PRKCA: variants seen among roughly 807,000 people sequenced by gnomAD.
PRKCA encodes the protein protein kinase C alpha.
In PRKCA, 27 loss-of-function variants were observed where a neutral mutation model predicts 87.0. That is an observed-to-expected ratio of 0.31 (90% confidence interval 0.23 to 0.43). The LOEUF (loss-of-function observed/expected upper bound fraction) is 0.43. Among genes scored for constraint, PRKCA ranks in the 20% least tolerant of loss-of-function variants. The pLI is 1.00. For synonymous variants in PRKCA, 329 were observed against 311.1 expected (o/e 1.06, Z -0.61); for missense variants, 518 against 852.3 (o/e 0.61, Z 4.88).
Position 66,628,896 on chromosome 17 carries a change from G to T in PRKCA, c.289-12459G>T, listed in dbSNP as rs1157345930. On this transcript the variant is annotated intron_variant, in intron 3 of 16. Coordinates refer to ENST00000413366, the MANE Select transcript of PRKCA (RefSeq NM_002737.3). ...ACAAAAAAATTAGCCAGGCATGTTG[G>T]CGCATGCCTGTAATCCCAGCTACTC... 2.0e-5 allele frequency among the ~76,000 whole-genome samples: 3 copies of T among 152,162 alleles called. No individual in the cohort carries two copies. The East Asian group carries it at 5.8e-4, about 29-fold the overall frequency.
intron 3 of PRKCA, among the ~76,000 whole-genome samples, chr17:66,614,054 G>A (rs948071065): frequency 2.0e-5 from 3 of 152,086 alleles, no homozygotes; most frequent in Non-Finnish European, 2.9e-5. Context: ...GCCTCCCCGA[G>A]TGCTGGGATT....
At chr17:66,743,068 C>T (rs1252070248) in intron 13 of PRKCA, among the ~76,000 whole-genome samples, 3 of 152,186 alleles carry the variant, frequency 2.0e-5, no homozygotes, top group African/African-American at 7.2e-5. Flanking sequence ...CGGTGGCTCA[C>T]GCCTGTAATC....
intron 2 of PRKCA, among the ~76,000 whole-genome samples, chr17:66,376,182 T>G (rs765408781): frequency 1.3e-5 from 2 of 152,044 alleles, no homozygotes; most frequent in Non-Finnish European, 2.9e-5. Flanking sequence ...CAGGAATCAG[T>G]GTTTAACCAC....
At chr17:66,508,140 C>T (rs764900913) in intron 3 of PRKCA, among the ~76,000 whole-genome samples, 1 of 152,182 alleles carries the variant, frequency 6.6e-6, no homozygotes, top group East Asian at 1.9e-4. Context: ...CCCTCACAGT[C>T]GCCTCTATTA....
intron 3 of PRKCA, among the ~76,000 whole-genome samples, chr17:66,636,228 T>C (rs1971148345): frequency 6.6e-6 from 1 of 152,208 alleles, no homozygotes; most frequent in Non-Finnish European, 1.5e-5. Context: ...TCTCTGCAGA[T>C]CTTCATGACT....
At chr17:66,588,841 A>T (rs117748395) in intron 3 of PRKCA, among the ~76,000 whole-genome samples, 2 of 151,238 alleles carry the variant, frequency 1.3e-5, no homozygotes, top group East Asian at 3.9e-4. Flanking sequence ...GGGTATCACC[A>T]TGTTGCCCAG....
At chr17:66,587,889 GTGTGTGTATATA>G (rs1567917321) in intron 3 of PRKCA, among the ~76,000 whole-genome samples, 1 of 94,230 alleles carries the variant, frequency 1.1e-5, no homozygotes. Context: ...GTGTGTGTGT[GTGTGTGTATATA>G]TATATATATA....
At chr17:66,663,174 A>G (rs1344651321) in intron 5 of PRKCA, among the ~76,000 whole-genome samples, 2 of 152,180 alleles carry the variant, frequency 1.3e-5, no homozygotes, top group African/African-American at 4.8e-5. Flanking sequence ...ACAAACAAGA[A>G]CAGCTTCCTG....
At chr17:66,480,042 A>G (rs1237587916) in intron 2 of PRKCA, among the ~76,000 whole-genome samples, 17 of 147,746 alleles carry the variant, frequency 1.2e-4, no homozygotes. Flanking sequence ...CTGAATAACA[A>G]TTCATCATAT....
chr17:66,558,932 A>G (rs1008216912), intron 3 of PRKCA, among the ~76,000 whole-genome samples: 7 of 152,168 alleles, frequency 4.6e-5, no homozygotes, highest in African/African-American at 1.7e-4. Flanking sequence ...ATGCTGCCCT[A>G]CTAAAGGCAA....
intron 14 of PRKCA, 163 bp downstream of exon 14, chr17:66,774,230 A>G (rs1974999495): frequency 1.3e-6 from 2 of 1,486,616 alleles, no homozygotes; most frequent in African/African-American, 1.4e-5. Flanking sequence ...TTCAAAGTGG[A>G]TCACGTTCAG....
intron 2 of PRKCA, among the ~76,000 whole-genome samples, chr17:66,348,729 A>G (rs183047553): frequency 1.3e-5 from 2 of 152,338 alleles, no homozygotes; most frequent in East Asian, 3.9e-4. Context: ...TCAGCCTCTT[A>G]GAGCAGGCAG....
At chr17:66,336,768 G>GTT (rs1906711090) in intron 2 of PRKCA, among the ~76,000 whole-genome samples, 1 of 97,352 alleles carries the variant, frequency 1.0e-5, no homozygotes, top group East Asian at 2.8e-4. Flanking sequence ...GTGTGTGTGT[G>GTT]TGTGTGTGTG....
intron 2 of PRKCA, among the ~76,000 whole-genome samples, chr17:66,453,266 C>G (rs1914412789): frequency 1.3e-5 from 2 of 152,016 alleles, no homozygotes; most frequent in African/African-American, 4.8e-5. Context: ...CCCATGTGCC[C>G]TCGTACAGAT....
chr17:66,508,658 T>G (rs959992953), intron 3 of PRKCA, among the ~76,000 whole-genome samples: 4 of 152,212 alleles, frequency 2.6e-5, no homozygotes, highest in Non-Finnish European at 5.9e-5. Context: ...TCCATCTTTT[T>G]TTTGTTTCAC....
At position 66,713,988 on chromosome 17, in the gene PRKCA, T is replaced by C. The variant is rs146713713; in HGVS notation, c.919-18700T>C. On this transcript the variant is annotated intron_variant, in intron 8 of 16. Coordinates refer to ENST00000413366, the MANE Select transcript of PRKCA (RefSeq NM_002737.3). Reference sequence around the variant, plus strand: ...GTTTTGTGACTCACATTCCCCCAGGTGCTCACAGCCTGTAGATACCCTTAG... The same window carrying C: ...GTTTTGTGACTCACATTCCCCCAGGCGCTCACAGCCTGTAGATACCCTTAG... Among the ~76,000 whole-genome samples, 210 of 152,262 alleles carry C rather than the reference T, an allele frequency of 1.4e-3. 3 individuals carry two copies. In the East Asian group the frequency reaches 0.035, roughly 25 times the overall value.
chr17:66,373,879 G>A (rs935081592), intron 2 of PRKCA, among the ~76,000 whole-genome samples: 1 of 152,166 alleles, frequency 6.6e-6, no homozygotes, highest in Non-Finnish European at 1.5e-5. Flanking sequence ...GTCCTCACTT[G>A]TTTAGCACCT....
chr17:66,650,969 G>A (rs1971577489), intron 5 of PRKCA, among the ~76,000 whole-genome samples: 1 of 152,152 alleles, frequency 6.6e-6, no homozygotes, highest in Non-Finnish European at 1.5e-5. Flanking sequence ...GTCACAGACT[G>A]TGTGGTCTTT....
intron 8 of PRKCA, among the ~76,000 whole-genome samples, chr17:66,719,425 TAATAA>T (rs1973558073): frequency 6.6e-6 from 1 of 152,220 alleles, no homozygotes; most frequent in Non-Finnish European, 1.5e-5. Context: ...TACCTCTGGG[TAATAA>T]AATTATAAGA....
Sources: gnomAD v4.1 joint callset for allele counts (sites outside exome capture counted in the v4.1 genomes callset) on GRCh38, gnomAD v4.1.1 for gene constraint, MANE v1.5 for transcripts, NCBI Gene and HGNC (gene_info 2026-07-23, HGNC 2026-07-21) for gene names.